The following CDH23 variants were observed in gnomAD, a reference collection of about 807,000 sequenced individuals.
CDH23 encodes the protein cadherin-23.
Under a neutral mutation model 317.1 loss-of-function variants are expected in CDH23, and 189 were observed. The observed-to-expected ratio is 0.60, with a 90% CI of 0.53 to 0.67. The LOEUF is 0.67. Ranked by LOEUF, CDH23 falls within the 30% of genes least tolerant of loss-of-function variation. CDH23 has a pLI of 0.00. For synonymous variants in CDH23, 1,839 were observed against 1,876.8 expected (o/e 0.98, Z 0.52); for missense variants, 4,401 against 4,592.4 (o/e 0.96, Z 1.20).
At chr10:71,645,183 C>T (rs913375968) in intron 12 of CDH23, among the ~76,000 whole-genome samples, 2 of 152,228 alleles carry the variant, frequency 1.3e-5, no homozygotes, top group Non-Finnish European at 2.9e-5. Flanking sequence ...CTCTGGGACA[C>T]AGCAGAACCT....
At chr10:71,662,011 C>T (rs887742681) in intron 14 of CDH23, among the ~76,000 whole-genome samples, 1 of 150,494 alleles carries the variant, frequency 6.6e-6, no homozygotes, top group African/African-American at 2.5e-5. Context: ...CTGCGTGGGC[C>T]CAGGTGAGTG....
At chr10:71,699,026 A>G (rs867528751) in intron 22 of CDH23, among the ~76,000 whole-genome samples, 3 of 152,202 alleles carry the variant, frequency 2.0e-5, no homozygotes, top group East Asian at 1.9e-4. Context: ...GAGCCAAGAC[A>G]TAGGAAGCAC....
At position 71,711,363 on chromosome 10, in the gene CDH23, C is replaced by T. The variant is rs922505752; in HGVS notation, c.3221-1302C>T. On this transcript the variant is annotated intron_variant, in intron 27 of 69. Transcript: ENST00000224721. ...CCTCCAGTGAGCGACAGCACTGCCA[C>T]GTATGGTCAGCTGGCCTGGGGAAGA... 2.6e-5 allele frequency among the ~76,000 whole-genome samples: 4 copies of T among 152,176 alleles called. No homozygotes were observed. The South Asian group carries it at 8.3e-4, about 31-fold the overall frequency.
Position 71,793,492 on chromosome 10 carries a change from G to T in CDH23, c.6564G>T (p.Glu2188Asp), listed in dbSNP as rs528929425. 2 of 1,613,974 alleles carry T rather than the reference G, an allele frequency of 1.2e-6. No homozygotes were observed. Among genetic ancestry groups the T allele is most frequent in the South Asian group, 2.2e-5 (2 of 91,070 alleles). Residue 2188 changes from glutamate to aspartate, a missense_variant, in exon 48 of 70, where the codon GAG (glutamate) becomes GAT (aspartate). Physicochemically the swap from Glu to Asp is conservative, Grantham distance 45. This residue lies in a region of CDH23 where 3,068 missense variants were observed against 3,203.3 expected (regional missense o/e 0.96). Coordinates refer to ENST00000224721, the MANE Select transcript of CDH23 (RefSeq NM_022124.6). ...CAGTGAGCGTGCTGGAGTCGGCTGA[G>T]CCAGGCACTGTCATTGCCAATATCA... is the stretch of plus-strand genomic sequence containing the variant. ...IQTVSVLESAEPGTVIANITA... is the reference protein window; with the variant it reads ...IQTVSVLESADPGTVIANITA...
Position 71,811,752 on chromosome 10 carries a change from T to A in CDH23, c.9318T>A (p.Ala3106=), listed in dbSNP as rs771040325. Residue 3106 remains alanine (A), a splice_region_variant and synonymous_variant, in exon 65 of 70, where the codon GCT becomes GCA. Transcript: ENST00000224721. The stretch of plus-strand genomic sequence containing the variant: ...TCAAGGCCATTGTGGCTGGCTCAGC[T>A]GGTAAGTGAGGGCCATAGTGGGGAC... The part of the protein sequence containing the change: ...RKLKAIVAGS[A]GNRGFIDIMD... 2 of 1,574,732 alleles carry A rather than the reference T, an allele frequency of 1.3e-6. No homozygotes were observed. The highest frequency in any genetic ancestry group is 2.3e-5 in the South Asian group (2 of 87,162).
At chr10:71,592,017 A>G (rs767528575) in intron 9 of CDH23, among the ~76,000 whole-genome samples, 2 of 152,212 alleles carry the variant, frequency 1.3e-5, no homozygotes, top group Non-Finnish European at 2.9e-5. Context: ...GACAGTGGAC[A>G]GACGGATCAG....
In CDH23 at chr10:71,440,347, A is replaced by G. The variant is rs1849816920; in HGVS notation, c.67+449A>G. ...AGAAGCTCAGAGCCTGGCAGGGGAG[A>G]AAGACACATGCAGGATTTCCTATAC... On this transcript the variant is annotated intron_variant, in intron 2 of 69. Coordinates refer to ENST00000224721, the MANE Select transcript of CDH23 (RefSeq NM_022124.6). Among the ~76,000 whole-genome samples the G allele has an allele frequency of 2.0e-5, 3 of 152,308 alleles. No homozygotes were observed. In the South Asian group the frequency reaches 6.2e-4, roughly 32 times the overall value.
Position 71,751,100 on chromosome 10 carries a change from G to A in CDH23, c.4845+9179G>A. Reference sequence around the variant, plus strand: ...CCCATGTAGCATCCAGAGGGGTTGAGGGGCTGGGCTTCTGGGATGTCACAG... The same window carrying A: ...CCCATGTAGCATCCAGAGGGGTTGAAGGGCTGGGCTTCTGGGATGTCACAG... On this transcript the variant is annotated intron_variant, in intron 38 of 69. Coordinates refer to ENST00000224721, the MANE Select transcript of CDH23 (RefSeq NM_022124.6). The surrounding 1 kb of genome is among the most constrained non-coding windows in gnomAD (Gnocchi z 4.9). The A allele has an allele frequency of 1.1e-6, 1 of 915,016 alleles. No homozygotes were observed. The highest frequency in any genetic ancestry group is 1.8e-5 in the South Asian group (1 of 56,634). 56.7% of individuals were successfully genotyped at this position (915,016 alleles called of 1,614,324 possible). A position where few individuals can be genotyped will look rare whatever the true frequency, so the allele number is the denominator to read the frequency against.
At chr10:71,634,925 A>G (rs1862189158) in intron 11 of CDH23, among the ~76,000 whole-genome samples, 2 of 152,220 alleles carry the variant, frequency 1.3e-5, no homozygotes, top group South Asian at 4.1e-4. Context: ...ACTTTGTTTC[A>G]GGAAGTACCC....
chr10:71,569,856 T>C (rs1265401360), intron 7 of CDH23, among the ~76,000 whole-genome samples: 2 of 152,082 alleles, frequency 1.3e-5, no homozygotes, highest in Non-Finnish European at 2.9e-5. Flanking sequence ...CAGTAGAAGA[T>C]AGATTTGGAG....
At chr10:71,735,921 A>G (rs1351849170) in intron 34 of CDH23, among the ~76,000 whole-genome samples, 1 of 152,012 alleles carries the variant, frequency 6.6e-6, no homozygotes, top group Non-Finnish European at 1.5e-5. Context: ...GCGTCCTGCC[A>G]CTCCCAGCCA....
chr10:71,569,896 A>ATTTT (rs5786043), intron 7 of CDH23, among the ~76,000 whole-genome samples: 1 of 150,568 alleles, frequency 6.6e-6, no homozygotes, highest in East Asian at 2.0e-4. Context: ...TTAAAAAAAA[A>ATTTT]TTTTTTTTTT....
At chr10:71,400,278 T>A (rs536608922) in intron 1 of CDH23, among the ~76,000 whole-genome samples, 2 of 152,178 alleles carry the variant, frequency 1.3e-5, no homozygotes, top group Non-Finnish European at 1.5e-5. Context: ...AGAGGCCTGG[T>A]GTAGCCGATG....
chr10:71,809,829 A>C lies in CDH23; in HGVS notation c.8732A>C (p.Asp2911Ala). Reference protein sequence around the residue: ...VGQVFTMGSMDGILRTFDLFM... With the variant: ...VGQVFTMGSMAGILRTFDLFM... ...TTTGGGCTTCCTGCAGGGAGCATGG[A>C]CGGCATTCTGCGCACCTTCGACCTC... Residue 2911 changes from aspartate (D) to alanine (A), a missense_variant, in exon 61 of 70, where the codon GAC (aspartate) becomes GCC (alanine). By Grantham distance (126) the Asp-to-Ala change is moderately radical. Around this residue, in one of 3 missense-constraint regions of CDH23, gnomAD observed 1,144 missense variants for 1,138.2 expected, o/e 1.01. Coordinates refer to ENST00000224721, the MANE Select transcript of CDH23 (RefSeq NM_022124.6). 1 of 1,612,046 alleles carries C rather than the reference A, an allele frequency of 6.2e-7. No homozygotes were observed. Among genetic ancestry groups the C allele is most frequent in the Non-Finnish European group, 8.5e-7 (1 of 1,179,162 alleles).
At chr10:71,677,421 G>A in intron 15 of CDH23, 35 bp from the exon 16 acceptor site, 1 of 1,541,210 alleles carries the variant, frequency 6.5e-7, no homozygotes, top group Non-Finnish European at 8.8e-7. Context: ...TTAAACCACG[G>A]TGTTCCTTCT....
At position 71,738,592 on chromosome 10, in the gene CDH23, G is replaced by T; in HGVS notation, c.4304G>T (p.Gly1435Val). 1.2e-6 allele frequency: 2 copies of T among 1,613,786 alleles called. No homozygotes were observed. The highest frequency in any genetic ancestry group is 1.7e-6 in the Non-Finnish European group (2 of 1,179,884). Residue 1435 changes from glycine (G) to valine (V), a missense_variant, in exon 35 of 70, where the codon GGC becomes GTC. Physicochemically the swap from Gly to Val is moderately radical, Grantham distance 109. This residue lies in a region of CDH23 where 3,068 missense variants were observed against 3,203.3 expected (regional missense o/e 0.96). Transcript: ENST00000224721. ...AVSIPEDCPVGQRVATVKAWD... is the reference protein window; with the variant it reads ...AVSIPEDCPVVQRVATVKAWD... Reference sequence around the variant, plus strand: ...AGCATACCCGAGGACTGCCCTGTGGGCCAGCGAGTGGCTACTGTCAAGGCC... The same window carrying T: ...AGCATACCCGAGGACTGCCCTGTGGTCCAGCGAGTGGCTACTGTCAAGGCC...
chr10:71,643,666 C>T (rs906828812), intron 11 of CDH23, among the ~76,000 whole-genome samples, 195 bp from the exon 12 acceptor site: 7 of 152,110 alleles, frequency 4.6e-5, no homozygotes, highest in Admixed American at 3.3e-4. Context: ...TCACACAATA[C>T]GCCTCCTCCA....
chr10:71,803,488 G>GGGTGCTTCCACTCTTCT, intron 55 of CDH23, 68 bp downstream of exon 55: 1 of 1,397,796 alleles, frequency 7.2e-7, no homozygotes, highest in Non-Finnish European at 9.9e-7. Flanking sequence ...TAGAAGAGTG[G>GGGTGCTTCCACTCTTCT]AAGCACCCCA....
At chr10:71,432,218 A>G (rs1057049120) in intron 1 of CDH23, among the ~76,000 whole-genome samples, 1 of 149,702 alleles carries the variant, frequency 6.7e-6, no homozygotes, top group African/African-American at 2.5e-5. Flanking sequence ...GTGTGTGCAC[A>G]TGAGTGTGTT....
Sources: allele counts gnomAD v4.1 joint callset (sites outside exome capture counted in the v4.1 genomes callset), GRCh38; gene constraint gnomAD v4.1.1; regional missense constraint gnomAD v4.1.1; non-coding constraint Gnocchi (gnomAD v3.1); transcripts MANE v1.5; gene names NCBI Gene and HGNC (gene_info 2026-07-23, HGNC 2026-07-21).